Variants in ATRNL1 observed in about 807,000 individuals in gnomAD.
ATRNL1 encodes the protein attractin like 1, also known as attractin-like protein 1.
Under a neutral mutation model 182.7 loss-of-function variants are expected in ATRNL1, and 95 were observed. That is an observed-to-expected ratio of 0.52 (90% confidence interval 0.44 to 0.62). The LOEUF (loss-of-function observed/expected upper bound fraction) is 0.62. Ranked by LOEUF, ATRNL1 falls within the 20% of genes least tolerant of loss-of-function variation. The pLI, the probability that ATRNL1 is intolerant of heterozygous loss-of-function variation, is 0.00. For missense variants in ATRNL1, 1,471 were observed against 1,679.5 expected, an observed-to-expected ratio of 0.88 and a Z score of 2.17; for synonymous variants, 576 against 568.3, an observed-to-expected ratio of 1.01 and a Z score of -0.19.
Position 115,627,845 on chromosome 10 carries a change from G to C in ATRNL1, c.3795+78309G>C, listed in dbSNP as rs112904487. Among the ~76,000 whole-genome samples, 963 of 152,152 alleles carry C rather than the reference G, an allele frequency of 6.3e-3. 6 individuals are homozygous for C. Among genetic ancestry groups the C allele is most frequent in the African/African-American group, 0.022 (917 of 41,518 alleles). ...AGTGGAATTGCCAGTTAATATGGTT[G>C]TTCTATTTTTAACTTTTTGAGGAAC... is the stretch of plus-strand genomic sequence containing the variant. On this transcript the variant is annotated intron_variant, in intron 26 of 28. Coordinates refer to ENST00000355044, the MANE Select transcript of ATRNL1 (RefSeq NM_207303.4).
chr10:115,523,342 G>A (rs1286301041), intron 25 of ATRNL1, among the ~76,000 whole-genome samples: 1 of 152,142 alleles, frequency 6.6e-6, no homozygotes. Flanking sequence ...TGCCTTCAGG[G>A]TCTTTCCCCC....
intron 26 of ATRNL1, among the ~76,000 whole-genome samples, chr10:115,674,385 A>G (rs1469975198): frequency 6.6e-6 from 1 of 152,104 alleles, no homozygotes; most frequent in African/African-American, 2.4e-5. Context: ...ATGTAGTGTA[A>G]GTGAAAAACA....
intron 3 of ATRNL1, among the ~76,000 whole-genome samples, chr10:115,123,186 C>A (rs113657590): frequency 1.6e-4 from 24 of 152,188 alleles, no homozygotes; most frequent in African/African-American, 5.5e-4. Context: ...TCTTGTTAGC[C>A]CTCCTAAGGG....
Position 115,487,940 on chromosome 10 carries a change from G to A in ATRNL1, c.3654+18611G>A, listed in dbSNP as rs189489449. Among the ~76,000 whole-genome samples, 485 of 152,234 alleles carry A rather than the reference G, an allele frequency of 3.2e-3. 1 individual carries two copies. The highest frequency in any genetic ancestry group is 0.011 in the African/African-American group (449 of 41,532). On this transcript the variant is annotated intron_variant, in intron 24 of 28. Transcript: ENST00000355044. ...TTGAGAGTTTTTAGTATGAAAGGCTGTTGAATTTTGTTGAAGGCCTTTCCT... is the reference window on the plus strand; with the variant it reads ...TTGAGAGTTTTTAGTATGAAAGGCTATTGAATTTTGTTGAAGGCCTTTCCT...
chr10:115,500,064 T>G (rs1483300047), intron 24 of ATRNL1, among the ~76,000 whole-genome samples: 21 of 151,792 alleles, frequency 1.4e-4, no homozygotes, highest in Admixed American at 5.9e-4. Context: ...GAAGAGAAAA[T>G]AGGGGGAGGA....
At chr10:115,840,000 A>G (rs998537470) in intron 27 of ATRNL1, among the ~76,000 whole-genome samples, 3 of 152,154 alleles carry the variant, frequency 2.0e-5, no homozygotes, top group African/African-American at 7.2e-5. Flanking sequence ...TTTGAGATTT[A>G]CCTTGTGCAC....
At chr10:115,925,109 CTT>C (rs1401385044) in intron 28 of ATRNL1, among the ~76,000 whole-genome samples, 3 of 152,116 alleles carry the variant, frequency 2.0e-5, no homozygotes, top group Non-Finnish European at 4.4e-5. Context: ...TATGCTGAGA[CTT>C]TGCTGAAGTT....
chr10:115,598,774 T>G (rs1197180009), intron 26 of ATRNL1, among the ~76,000 whole-genome samples: 9 of 152,142 alleles, frequency 5.9e-5, no homozygotes, highest in Admixed American at 5.9e-4. Context: ...TCAATAGAAG[T>G]CAGCTAAATT....
At chr10:115,544,491 G>A (rs1387398455) in intron 25 of ATRNL1, among the ~76,000 whole-genome samples, 1 of 152,086 alleles carries the variant, frequency 6.6e-6, no homozygotes, top group Non-Finnish European at 1.5e-5. Flanking sequence ...AGAAGGTGAA[G>A]GGGGGGCAGG....
chr10:115,814,008 A>C (rs1395643099), intron 27 of ATRNL1, among the ~76,000 whole-genome samples: 6 of 152,052 alleles, frequency 3.9e-5, no homozygotes, highest in Admixed American at 2.0e-4. Context: ...AGTGAATCTC[A>C]TTATGTTGGT....
Position 115,296,669 on chromosome 10 carries a change from C to T in ATRNL1, c.2416-3365C>T, listed in dbSNP as rs544458737. On this transcript the variant is annotated intron_variant, in intron 15 of 28. Coordinates refer to ENST00000355044, the MANE Select transcript of ATRNL1 (RefSeq NM_207303.4). ...TTGAAGTGGATATTGCAATATGGTA[C>T]TTCTTGGCCTTAAGTTTTTTTTTTA... Among the ~76,000 whole-genome samples, 65 of 151,624 alleles carry T rather than the reference C, an allele frequency of 4.3e-4. 2 individuals are homozygous for T. In the South Asian group the frequency reaches 0.013, roughly 31 times the overall value.
chr10:115,359,043 C>T (rs183196078), intron 19 of ATRNL1, among the ~76,000 whole-genome samples: 12 of 151,728 alleles, frequency 7.9e-5, no homozygotes, highest in Admixed American at 7.2e-4. Flanking sequence ...TGCCTTTGAA[C>T]TCAAATTACT....
chr10:115,535,675 G>T (rs985035344), intron 25 of ATRNL1, among the ~76,000 whole-genome samples: 1 of 152,096 alleles, frequency 6.6e-6, no homozygotes, highest in Non-Finnish European at 1.5e-5. Flanking sequence ...TTGGAGGAGG[G>T]GAGGTGCTCT....
At chr10:115,557,682 A>G (rs1000412100) in intron 26 of ATRNL1, among the ~76,000 whole-genome samples, 1 of 152,150 alleles carries the variant, frequency 6.6e-6, no homozygotes, top group Non-Finnish European at 1.5e-5. Flanking sequence ...GACTTCCAGA[A>G]TGGCAGCAAG....
intron 9 of ATRNL1, among the ~76,000 whole-genome samples, chr10:115,230,913 G>GAGAGAGAA (rs1849913864): frequency 6.0e-4 from 70 of 117,630 alleles, no homozygotes; most frequent in African/African-American, 2.4e-3. Flanking sequence ...GAGAGAGAGA[G>GAGAGAGAA]AGAGAGAGAA....
intron 26 of ATRNL1, among the ~76,000 whole-genome samples, chr10:115,692,308 G>A (rs1175587823): frequency 6.6e-6 from 1 of 152,052 alleles, no homozygotes. Flanking sequence ...TTTATTCTTT[G>A]ATTACTAGAC....
At chr10:115,839,945 A>T (rs1442409354) in intron 27 of ATRNL1, among the ~76,000 whole-genome samples, 2 of 152,188 alleles carry the variant, frequency 1.3e-5, no homozygotes. Flanking sequence ...TAACTTTCCC[A>T]ATGGTTTACA....
chr10:115,445,336 C>T (rs996242203), intron 21 of ATRNL1, among the ~76,000 whole-genome samples: 3 of 141,698 alleles, frequency 2.1e-5, no homozygotes, highest in Non-Finnish European at 4.5e-5. Flanking sequence ...GGAGCTGAGG[C>T]ACAAGAATTG....
chr10:115,422,173 A>G (rs942303572), intron 20 of ATRNL1, among the ~76,000 whole-genome samples: 2 of 152,208 alleles, frequency 1.3e-5, no homozygotes, highest in African/African-American at 4.8e-5. Context: ...AATTGCAACA[A>G]CAAAGAAAAT....
Sources: allele counts gnomAD v4.1 joint callset (sites outside exome capture counted in the v4.1 genomes callset), GRCh38; gene constraint gnomAD v4.1.1; transcripts MANE v1.5; gene names NCBI Gene and HGNC (gene_info 2026-07-23, HGNC 2026-07-21).